SV2C: variants seen among roughly 807,000 people sequenced by gnomAD.
SV2C encodes the protein synaptic vesicle glycoprotein 2C.
SV2C carries 49 observed loss-of-function variants against 79.7 expected under a neutral mutation model. The observed-to-expected ratio is 0.61, with a 90% CI of 0.49 to 0.78. The LOEUF is 0.78. Among genes scored for constraint, SV2C ranks in the 30% least tolerant of loss-of-function variants. The probability of loss-of-function intolerance (pLI) is 0.00; values close to 1 mark genes in which losing one functional copy is unlikely to be tolerated. For synonymous variants in SV2C, 334 were observed against 333.2 expected, an observed-to-expected ratio of 1.00 and a Z score of -0.03; for missense variants, 833 against 912.9, an observed-to-expected ratio of 0.91 and a Z score of 1.13.
At chr5:76,000,385 C>T in the SV2C span, among the ~76,000 whole-genome samples, 8 of 152,264 alleles carry the variant, frequency 5.3e-5, no homozygotes, top group South Asian at 2.1e-4. Context: ...ATATTCCCCA[C>T]GTGATTTTTC....
chr5:76,075,256 G>A, the SV2C span, among the ~76,000 whole-genome samples: 37 of 152,302 alleles, frequency 2.4e-4, no homozygotes, highest in African/African-American at 8.7e-4. Context: ...CTTCTTTGCT[G>A]CATTTATATT....
intron 8 of SV2C, among the ~76,000 whole-genome samples, chr5:76,295,173 T>C (rs1366224625): frequency 6.6e-6 from 1 of 152,218 alleles, no homozygotes; most frequent in Non-Finnish European, 1.5e-5. Context: ...TCCTGAAGAC[T>C]GGAAGTCCAA....
chr5:76,002,538 G>A, the SV2C span, among the ~76,000 whole-genome samples: 1 of 152,182 alleles, frequency 6.6e-6, no homozygotes, highest in Non-Finnish European at 1.5e-5. Flanking sequence ...CCATTACACT[G>A]TACTCTTCGA....
chr5:76,112,407 G>T (rs1436724628), intron 1 of SV2C, among the ~76,000 whole-genome samples: 1 of 152,196 alleles, frequency 6.6e-6, no homozygotes, highest in Non-Finnish European at 1.5e-5. Flanking sequence ...AAGTGCAAAG[G>T]GCTGGAAGCA....
the SV2C span, among the ~76,000 whole-genome samples, chr5:75,991,848 A>C: frequency 2.0e-5 from 3 of 151,820 alleles, no homozygotes; most frequent in Non-Finnish European, 4.4e-5. Flanking sequence ...TGCCAGCTCT[A>C]TCATATACTA....
chr5:76,269,973 G>A (rs552287663), intron 4 of SV2C, among the ~76,000 whole-genome samples: 43 of 152,238 alleles, frequency 2.8e-4, no homozygotes, highest in African/African-American at 1.0e-3. Flanking sequence ...TCTGAGCCAA[G>A]ATGAATGACC....
chr5:76,301,737 C>T (rs779151191), intron 12 of SV2C, among the ~76,000 whole-genome samples, 192 bp downstream of exon 12: 1 of 151,760 alleles, frequency 6.6e-6, no homozygotes, highest in Non-Finnish European at 1.5e-5. Context: ...GGTGAAACCT[C>T]GTCTCTACTT....
At chr5:75,983,442 G>A in the SV2C span, among the ~76,000 whole-genome samples, 1 of 152,076 alleles carries the variant, frequency 6.6e-6, no homozygotes, top group Non-Finnish European at 1.5e-5. Context: ...GGAGCTGATA[G>A]TGGCATTCTT....
At chr5:76,106,508 G>A (rs1028949324) in intron 1 of SV2C, among the ~76,000 whole-genome samples, 2 of 152,168 alleles carry the variant, frequency 1.3e-5, no homozygotes, top group Non-Finnish European at 2.9e-5. Context: ...GATGTACACA[G>A]GGCTTTATAT....
chr5:75,924,089 A>G, the SV2C span, among the ~76,000 whole-genome samples: 19 of 152,344 alleles, frequency 1.2e-4, 1 homozygote, highest in South Asian at 3.5e-3. Flanking sequence ...AAAAAGGAAT[A>G]AAAGAATGTC....
the SV2C span, among the ~76,000 whole-genome samples, chr5:76,045,456 A>T: frequency 6.6e-6 from 1 of 152,186 alleles, no homozygotes; most frequent in Non-Finnish European, 1.5e-5. Context: ...GAAGAATGTC[A>T]ATGGTCATTT....
the SV2C span, among the ~76,000 whole-genome samples, chr5:75,848,717 G>A: frequency 6.6e-6 from 1 of 152,130 alleles, no homozygotes; most frequent in Non-Finnish European, 1.5e-5. Flanking sequence ...TGTATGGGAA[G>A]GGACAGAGGA....
Position 76,208,253 on chromosome 5 carries a change from G to T in SV2C, c.762-1483G>T, listed in dbSNP as rs77586075. Among the ~76,000 whole-genome samples, 1,483 of 152,280 alleles carry T rather than the reference G, an allele frequency of 9.7e-3. 27 individuals carry two copies. Among genetic ancestry groups the T allele is most frequent in the African/African-American group, 0.034 (1,420 of 41,558 alleles). Reference sequence around the variant, plus strand: ...AATACATTTATAACACAAATTTCATGAAATGATACTTATGCTTATCCTTAT... The same window carrying T: ...AATACATTTATAACACAAATTTCATTAAATGATACTTATGCTTATCCTTAT... On this transcript the variant is annotated intron_variant, in intron 3 of 12. Transcript: ENST00000502798.
At chr5:76,285,401 T>C in intron 5 of SV2C, 106 bp downstream of exon 5, 1 of 1,482,936 alleles carries the variant, frequency 6.7e-7, no homozygotes, top group Non-Finnish European at 9.1e-7. Context: ...ACATTTTCCC[T>C]TCCTATTATA....
At chr5:75,904,328 G>T in the SV2C span, among the ~76,000 whole-genome samples, 1 of 151,586 alleles carries the variant, frequency 6.6e-6, no homozygotes, top group Non-Finnish European at 1.5e-5. Flanking sequence ...TTCTGATCTG[G>T]ATTACTTGGA....
intron 2 of SV2C, among the ~76,000 whole-genome samples, chr5:76,135,975 C>A (rs1025711811): frequency 6.6e-6 from 1 of 152,214 alleles, no homozygotes; most frequent in Non-Finnish European, 1.5e-5. Flanking sequence ...GCCTCCCACT[C>A]ACTGGCTTAT....
At chr5:76,223,444 C>CATACAT (rs1561271136) in intron 4 of SV2C, among the ~76,000 whole-genome samples, 4 of 45,782 alleles carry the variant, frequency 8.7e-5, no homozygotes, top group South Asian at 1.1e-3. Context: ...TACATACATA[C>CATACAT]ATATATATAT....
At chr5:75,993,207 T>C in the SV2C span, among the ~76,000 whole-genome samples, 1 of 152,234 alleles carries the variant, frequency 6.6e-6, no homozygotes, top group Admixed American at 6.5e-5. Context: ...ATTTTTCATG[T>C]TTCTAAACAT....
Position 76,195,102 on chromosome 5 carries a change from A to G in SV2C, c.761+3A>G. 3 of 1,612,906 alleles carry G rather than the reference A, an allele frequency of 1.9e-6. No homozygotes were observed. Among genetic ancestry groups the G allele is most frequent in the Non-Finnish European group, 2.5e-6 (3 of 1,179,640 alleles). Reference sequence around the variant, plus strand: ...TGTCGCTTACTTTCTGGATTCGGGTAAGGTTTTCTCCTTCATATTTTATAG... The same window carrying G: ...TGTCGCTTACTTTCTGGATTCGGGTGAGGTTTTCTCCTTCATATTTTATAG... On this transcript the variant is annotated splice_donor_region_variant and intron_variant, in intron 3 of 12. Transcript: ENST00000502798.
Sources: gnomAD v4.1 joint callset for allele counts (sites outside exome capture counted in the v4.1 genomes callset) on GRCh38, gnomAD v4.1.1 for gene constraint, MANE v1.5 for transcripts, NCBI Gene and HGNC (gene_info 2026-07-23, HGNC 2026-07-21) for gene names.